The following ATXN1 variants were observed in gnomAD, a reference collection of about 807,000 sequenced individuals.
ATXN1 encodes the protein ataxin-1.
ATXN1 carries 8 observed loss-of-function variants against 56.4 expected under a neutral mutation model. The observed-to-expected ratio is 0.14, with a 90% CI of 0.08 to 0.26. The LOEUF (loss-of-function observed/expected upper bound fraction) is 0.26. ATXN1 is among the 10% of genes least tolerant of loss of function. The pLI, the probability that ATXN1 is intolerant of heterozygous loss-of-function variation, is 1.00. For missense variants in ATXN1, 987 were observed against 1,106.5 expected (o/e 0.89, Z 1.53); for synonymous variants, 514 against 494.6 (o/e 1.04, Z -0.52).
At chr6:16,519,102 T>C (rs575367918) in intron 5 of ATXN1, among the ~76,000 whole-genome samples, 4 of 152,322 alleles carry the variant, frequency 2.6e-5, no homozygotes, top group Admixed American at 2.0e-4. Context: ...CAAATATTAA[T>C]GTCATGGTTA....
At chr6:16,407,473 C>T (rs1758708569) in intron 6 of ATXN1, among the ~76,000 whole-genome samples, 1 of 152,190 alleles carries the variant, frequency 6.6e-6, no homozygotes, top group East Asian at 1.9e-4. Context: ...TATGTTGAAA[C>T]ATGCTCCTCA....
intron 4 of ATXN1, among the ~76,000 whole-genome samples, chr6:16,564,067 T>C (rs1202109108): frequency 6.6e-6 from 1 of 152,204 alleles, no homozygotes; most frequent in Non-Finnish European, 1.5e-5. Flanking sequence ...CCAGCTCTTC[T>C]ACCTTTTCAG....
chr6:16,392,581 C>T (rs1204687368), intron 6 of ATXN1, among the ~76,000 whole-genome samples: 7 of 152,068 alleles, frequency 4.6e-5, no homozygotes, highest in Admixed American at 6.5e-5. Context: ...CTGCAACCTC[C>T]GCCTTCTAGG....
intron 3 of ATXN1, among the ~76,000 whole-genome samples, chr6:16,592,184 A>C (rs1281720861): frequency 6.6e-6 from 1 of 152,170 alleles, no homozygotes; most frequent in East Asian, 1.9e-4. Flanking sequence ...CCCCCCTCCC[A>C]GTACTGGCCA....
At chr6:16,349,540 C>G (rs1009669593) in intron 6 of ATXN1, among the ~76,000 whole-genome samples, 1 of 152,058 alleles carries the variant, frequency 6.6e-6, no homozygotes, top group African/African-American at 2.4e-5. Flanking sequence ...ACATTTTCCT[C>G]CCTAGAATTC....
At chr6:16,427,330 C>T (rs1561891757) in intron 6 of ATXN1, among the ~76,000 whole-genome samples, 3 of 152,156 alleles carry the variant, frequency 2.0e-5, no homozygotes, top group East Asian at 1.9e-4. Context: ...CCTCCCCAGT[C>T]GTGACAAGCA....
At chr6:16,656,363 T>G (rs1019244720) in intron 3 of ATXN1, among the ~76,000 whole-genome samples, 1 of 152,152 alleles carries the variant, frequency 6.6e-6, no homozygotes, top group East Asian at 1.9e-4. Flanking sequence ...GGAGATCAGT[T>G]AGGCACATAC....
At chr6:16,455,263 G>C (rs895197107) in intron 6 of ATXN1, among the ~76,000 whole-genome samples, 1 of 152,120 alleles carries the variant, frequency 6.6e-6, no homozygotes, top group African/African-American at 2.4e-5. Flanking sequence ...ATGGACAAAA[G>C]ACCTGACCAG....
intron 5 of ATXN1, among the ~76,000 whole-genome samples, chr6:16,491,816 A>G (rs995404092): frequency 6.6e-6 from 1 of 152,186 alleles, no homozygotes; most frequent in African/African-American, 2.4e-5. Context: ...TCTAATTAAG[A>G]GAACCCTAAA....
intron 4 of ATXN1, among the ~76,000 whole-genome samples, chr6:16,541,365 C>A (rs1238523440): frequency 6.6e-6 from 1 of 152,200 alleles, no homozygotes; most frequent in African/African-American, 2.4e-5. Context: ...CTCCTTCCAC[C>A]CCAGCAGAGG....
intron 5 of ATXN1, among the ~76,000 whole-genome samples, chr6:16,519,372 T>C (rs1481155924): frequency 2.0e-5 from 3 of 152,238 alleles, no homozygotes; most frequent in African/African-American, 7.2e-5. Context: ...AAGGATTATA[T>C]AGATGAGGAA....
chr6:16,649,012 C>T (rs985339004), intron 3 of ATXN1, among the ~76,000 whole-genome samples: 3 of 151,644 alleles, frequency 2.0e-5, no homozygotes, highest in East Asian at 1.9e-4. Flanking sequence ...TAATCTTCCC[C>T]GATATCAAAA....
chr6:16,352,275 T>C (rs1761585908), intron 6 of ATXN1, among the ~76,000 whole-genome samples: 1 of 152,094 alleles, frequency 6.6e-6, no homozygotes, highest in Non-Finnish European at 1.5e-5. Flanking sequence ...AATAAACATA[T>C]TTGGGAAAAT....
At chr6:16,500,495 A>G (rs1760861930) in intron 5 of ATXN1, among the ~76,000 whole-genome samples, 1 of 152,172 alleles carries the variant, frequency 6.6e-6, no homozygotes, top group African/African-American at 2.4e-5. Flanking sequence ...GCTGAAGAGA[A>G]TAGCAGGCAC....
intron 2 of ATXN1, among the ~76,000 whole-genome samples, chr6:16,687,647 AAAG>A (rs1758944683): frequency 9.0e-6 from 1 of 111,668 alleles, no homozygotes; most frequent in Non-Finnish European, 1.7e-5. Context: ...GCCTGGAATC[AAAG>A]AAGAAATACA....
rs1760216575 is a variant in ATXN1, at chr6:16,305,371, G to A, written c.*958C>T. 1 of 152,538 alleles carries A rather than the reference G, an allele frequency of 6.6e-6. No individual in the cohort carries two copies. The highest frequency in any genetic ancestry group is 1.5e-5 in the Non-Finnish European group (1 of 68,034). The allele number at this position is 152,538 out of a possible 1,614,324, so 9.4% of individuals were successfully genotyped here. ...AAAGATTTCGCAAACTCAACGTGAA[G>A]AGCTTCTGTTGCTCTCACTGAAGGG... On this transcript the variant is annotated 3_prime_UTR_variant, in exon 8 of 8. Transcript: ENST00000436367.
chr6:16,554,740 C>T (rs953396654), intron 4 of ATXN1, among the ~76,000 whole-genome samples: 2 of 152,186 alleles, frequency 1.3e-5, no homozygotes, highest in African/African-American at 2.4e-5. Flanking sequence ...AGGCACATGC[C>T]ACCACGCCCG....
At chr6:16,608,384 T>C (rs1232544259) in intron 3 of ATXN1, among the ~76,000 whole-genome samples, 3 of 152,254 alleles carry the variant, frequency 2.0e-5, no homozygotes, top group South Asian at 2.1e-4. Flanking sequence ...CCTCTGCCCA[T>C]GCACACTTGA....
intron 1 of ATXN1, among the ~76,000 whole-genome samples, chr6:16,758,654 T>A (rs1581430087): frequency 6.6e-6 from 1 of 152,226 alleles, no homozygotes; most frequent in African/African-American, 2.4e-5. Context: ...CCCACCTGAA[T>A]GGACGAGGAA....
Sources: gnomAD v4.1 joint callset for allele counts (sites outside exome capture counted in the v4.1 genomes callset) on GRCh38, gnomAD v4.1.1 for gene constraint, MANE v1.5 for transcripts, NCBI Gene and HGNC (gene_info 2026-07-23, HGNC 2026-07-21) for gene names.